LRRC37B: variants seen among roughly 807,000 people sequenced by gnomAD.
LRRC37B encodes the protein leucine rich repeat containing 37B.
In LRRC37B, 28 loss-of-function variants were observed where a neutral mutation model predicts 98.3. That is an observed-to-expected ratio of 0.28 (90% CI 0.21 to 0.39). LRRC37B has a LOEUF of 0.39. Among genes scored for constraint, LRRC37B ranks in the 10% least tolerant of loss-of-function variants. LRRC37B has a pLI of 1.00. For missense variants in LRRC37B, 938 were observed against 1,182.7 expected, an observed-to-expected ratio of 0.79 and a Z score of 3.03; for synonymous variants, 364 against 442.7, an observed-to-expected ratio of 0.82 and a Z score of 2.23.
chr17:32,007,847 C>A, upstream of LRRC37B: 2 of 1,163,452 alleles, frequency 1.7e-6, no homozygotes, highest in Non-Finnish European at 2.1e-6. This position sits in a 1 kb window ranked among gnomAD's most constrained non-coding sequence, Gnocchi z 4.1. Flanking sequence ...CGGCCCGCCC[C>A]GCGCCGGCAC....
At chr17:32,016,544 G>A (rs971861097), upstream of LRRC37B, among the ~76,000 whole-genome samples, 10 of 152,120 alleles carry the variant, frequency 6.6e-5, no homozygotes, top group Non-Finnish European at 1.2e-4. Context: ...TTTCCACTTG[G>A]TAAGGGGAGT....
At chr17:32,047,735 C>G in intron 8 of LRRC37B, 26 bp from the exon 12 acceptor site, 1 of 1,613,890 alleles carries the variant, frequency 6.2e-7, no homozygotes, top group South Asian at 1.1e-5. Flanking sequence ...ATTTCATGAT[C>G]AAAGCAGTCT....
chr17:32,047,720 A>G, intron 8 of LRRC37B, 41 bp from the exon 12 acceptor site: 1 of 1,613,376 alleles, frequency 6.2e-7, no homozygotes, highest in South Asian at 1.1e-5. Context: ...AAGATGATCA[A>G]AGATATTTCA....
intron 10 of LRRC37B, 142 bp downstream of exon 13, chr17:32,049,536 C>G (rs959114246): frequency 4.0e-6 from 3 of 744,424 alleles, no homozygotes; most frequent in African/African-American, 3.6e-5. Context: ...TGATCTCCCA[C>G]TTTGCTCATG....
At chr17:32,008,813 A>G (rs1043211817) in intron 1 of LRRC37B, among the ~76,000 whole-genome samples, 2 of 152,230 alleles carry the variant, frequency 1.3e-5, no homozygotes, top group Non-Finnish European at 2.9e-5. Flanking sequence ...GCAGAAAGCC[A>G]AACAAGATCC....
upstream of LRRC37B, among the ~76,000 whole-genome samples, chr17:32,017,374 C>G (rs750435952): frequency 2.0e-5 from 3 of 152,154 alleles, no homozygotes; most frequent in African/African-American, 4.8e-5. Context: ...TGATGCCTTA[C>G]CATTTAATCA....
intron 6 of LRRC37B, 98 bp downstream of exon 9, chr17:32,035,079 A>T: frequency 1.1e-6 from 1 of 904,236 alleles, no homozygotes; most frequent in African/African-American, 1.7e-5. Context: ...AAAAAGTCAT[A>T]ATTTAAATTT....
At chr17:32,007,966 G>C, upstream of LRRC37B, 1 of 512,352 alleles carries the variant, frequency 2.0e-6, no homozygotes, top group Non-Finnish European at 3.3e-6. This position sits in a 1 kb window ranked among gnomAD's most constrained non-coding sequence, Gnocchi z 4.1. Flanking sequence ...GCGAGGAGGA[G>C]GAGTAAGAGG....
At chr17:32,023,317 T>A (rs1172867492) in intron 1 of LRRC37B, among the ~76,000 whole-genome samples, 5 of 152,138 alleles carry the variant, frequency 3.3e-5, no homozygotes, top group Non-Finnish European at 2.9e-5. Flanking sequence ...GAGACGGGGT[T>A]TCTCCATGTT....
At chr17:32,010,353 A>C (rs1049240807) in intron 1 of LRRC37B, among the ~76,000 whole-genome samples, 2 of 152,216 alleles carry the variant, frequency 1.3e-5, no homozygotes, top group Non-Finnish European at 2.9e-5. Context: ...ATAATTTACA[A>C]ATTATCAATT....
intron 7 of LRRC37B, chr17:32,041,363 G>T (rs533516351): frequency 2.6e-6 from 2 of 754,930 alleles, no homozygotes; most frequent in South Asian, 1.3e-5. Flanking sequence ...GCAAGGTGCT[G>T]TATGACTTCC....
Position 32,042,865 on chromosome 17 carries a change from G to A in LRRC37B, c.2205-2835G>A, listed in dbSNP as rs1440942485. The A allele has an allele frequency of 4.0e-5, 6 of 151,788 alleles. 1 individual carries two copies. The highest frequency in any genetic ancestry group is 3.9e-4 in the Admixed American group (6 of 15,238). 9.4% of individuals were successfully genotyped at this position (151,788 alleles called of 1,614,324 possible). A position where few individuals can be genotyped will look rare whatever the true frequency, so the allele number is the denominator to read the frequency against. ...AAAAAAAAAATCATGAACACAAAATGCAATGTCTGATGTTTGATTGGATTC... is the reference window on the plus strand; with the variant it reads ...AAAAAAAAAATCATGAACACAAAATACAATGTCTGATGTTTGATTGGATTC... On this transcript the variant is annotated intron_variant, in intron 7 of 11. Coordinates refer to ENST00000327564, the Ensembl canonical transcript of LRRC37B.
intron 7 of LRRC37B, chr17:32,041,363 G>C (rs533516351): frequency 1.3e-5 from 10 of 754,812 alleles, no homozygotes; most frequent in Non-Finnish European, 2.4e-5. Context: ...GCAAGGTGCT[G>C]TATGACTTCC....
At chr17:32,046,861 A>G (rs1181815731) in intron 8 of LRRC37B, among the ~76,000 whole-genome samples, 1 of 151,914 alleles carries the variant, frequency 6.6e-6, no homozygotes, top group Non-Finnish European at 1.5e-5. Context: ...CCAGCTGCAC[A>G]CTGGCACACT....
At chr17:32,014,278 T>C (rs984002681) in intron 1 of LRRC37B, among the ~76,000 whole-genome samples, 8 of 152,306 alleles carry the variant, frequency 5.3e-5, no homozygotes, top group African/African-American at 1.9e-4. Flanking sequence ...GTAATGAACC[T>C]TTCTGTAAAA....
Position 32,042,271 on chromosome 17 carries a change from G to A in LRRC37B, c.2205-3429G>A, listed in dbSNP as rs561463505. 9.5e-3 allele frequency: 1,633 copies of A among 172,036 alleles called. 14 individuals are homozygous for A. Among genetic ancestry groups the A allele is most frequent in the Non-Finnish European group, 0.014 (1,177 of 81,238 alleles). 10.7% of individuals were successfully genotyped at this position (172,036 alleles called of 1,614,324 possible). On this transcript the variant is annotated intron_variant, in intron 7 of 11. Transcript: ENST00000327564. ...CCCTCACACACCAAGTACCTTTTCA[G>A]CTTTTTAACTGCCCCCAGCCAGGCC...
intron 2 of LRRC37B, among the ~76,000 whole-genome samples, chr17:32,025,030 G>GTTTTTTTTTTTTTTTTTTT (rs772444987): frequency 2.9e-5 from 2 of 69,918 alleles, no homozygotes; most frequent in East Asian, 3.8e-4. Flanking sequence ...TTTTTTCCTC[G>GTTTTTTTTTTTTTTTTTTT]TTTTTTTTTT....
chr17:32,048,020 G>C (rs1471056155), intron 9 of LRRC37B, 119 bp downstream of exon 12: 1 of 1,560,478 alleles, frequency 6.4e-7, no homozygotes, highest in Non-Finnish European at 8.8e-7. Context: ...TCACTGAACA[G>C]CTATTTTCAA....
chr17:32,046,225 G>GTTTTGT (rs1014703601), intron 8 of LRRC37B, among the ~76,000 whole-genome samples: 2 of 152,180 alleles, frequency 1.3e-5, no homozygotes, highest in South Asian at 2.1e-4. Context: ...TGTAGATCCG[G>GTTTTGT]TTTTGTTTTT....
Sources: gnomAD v4.1 joint callset for allele counts (sites outside exome capture counted in the v4.1 genomes callset) on GRCh38, gnomAD v4.1.1 for gene constraint, Gnocchi (gnomAD v3.1) non-coding constraint, MANE v1.5 for transcripts, NCBI Gene and HGNC (gene_info 2026-07-23, HGNC 2026-07-21) for gene names.